ADGRA1: variants seen among roughly 807,000 people sequenced by gnomAD.
The protein encoded by ADGRA1 is adhesion G protein-coupled receptor A1, also known as G-protein coupled receptor 123.
ADGRA1 carries 12 observed loss-of-function variants against 21.3 expected under a neutral mutation model. The ratio of observed to expected loss-of-function variants is 0.56; its 90% CI spans 0.36 to 0.91. The LOEUF is 0.91. ADGRA1 is among the 40% of genes least tolerant of loss of function. ADGRA1 has a pLI of 0.01. For missense variants in ADGRA1, 790 were observed against 805.6 expected (o/e 0.98, Z 0.23); for synonymous variants, 385 against 368.8 (o/e 1.04, Z -0.50).
intron 2 of ADGRA1, among the ~76,000 whole-genome samples, chr10:133,093,728 T>C (rs1388429086): frequency 6.6e-6 from 1 of 152,190 alleles, no homozygotes; most frequent in Non-Finnish European, 1.5e-5. Flanking sequence ...CTGGCTGCAT[T>C]GCGAGCCGAG....
At position 133,106,251 on chromosome 10, in the gene ADGRA1, G is replaced by C. The variant is rs144398522; in HGVS notation, c.401+3409G>C. 2.2e-4 allele frequency among the ~76,000 whole-genome samples: 34 copies of C among 152,314 alleles called. No individual in the cohort carries two copies. In the East Asian group the frequency reaches 6.2e-3, roughly 28 times the overall value. On this transcript the variant is annotated intron_variant, in intron 5 of 6. Transcript: ENST00000392607. ...CTGGGGGGCGCCGGAGCCCCTGCTG[G>C]CTGGAGCTTCCCTGCTTCAGTCCCA...
At chr10:133,104,740 C>A (rs3117449) in intron 5 of ADGRA1, among the ~76,000 whole-genome samples, 2 of 152,164 alleles carry the variant, frequency 1.3e-5, no homozygotes, top group South Asian at 4.1e-4. Flanking sequence ...CCCCAGCCGC[C>A]CCCCCGGTGT....
chr10:133,120,368 G>A (rs1852231719), intron 5 of ADGRA1, among the ~76,000 whole-genome samples: 2 of 152,172 alleles, frequency 1.3e-5, no homozygotes, highest in South Asian at 4.1e-4. Context: ...TCATGCCACT[G>A]CACTCCAGCC....
intron 5 of ADGRA1, among the ~76,000 whole-genome samples, chr10:133,105,128 G>T (rs981075430): frequency 6.6e-6 from 1 of 152,220 alleles, no homozygotes; most frequent in African/African-American, 2.4e-5. Flanking sequence ...TAGTTCCTGA[G>T]TTCCAAGAAT....
intron 5 of ADGRA1, among the ~76,000 whole-genome samples, chr10:133,125,346 T>C (rs188615511): frequency 1.4e-3 from 219 of 152,374 alleles, no homozygotes; most frequent in Admixed American, 4.2e-3. Flanking sequence ...TGTTTTGCTC[T>C]TTGGAATTCT....
At chr10:133,115,119 C>CA (rs1852132552) in intron 5 of ADGRA1, among the ~76,000 whole-genome samples, 1 of 152,140 alleles carries the variant, frequency 6.6e-6, no homozygotes, top group Non-Finnish European at 1.5e-5. Context: ...CGGAAGGGCC[C>CA]AGTGGTCAGA....
rs891116939 is a variant in ADGRA1 at position 133,104,370 on chromosome 10, G to A, written c.401+1528G>A. ...ATGCGTTTCCTCATCTGTAATTGAT[G>A]GAAGAGCTGCCTGGTTTTGAAGACC... On this transcript the variant is annotated intron_variant, in intron 5 of 6. Transcript: ENST00000392607. Among the ~76,000 whole-genome samples, 6 of 152,182 alleles carry A rather than the reference G, an allele frequency of 3.9e-5. No individual in the cohort carries two copies. In the East Asian group the frequency reaches 1.2e-3, roughly 29 times the overall value.
intron 5 of ADGRA1, among the ~76,000 whole-genome samples, chr10:133,111,867 C>G (rs367643273): frequency 1.7e-3 from 241 of 138,772 alleles, no homozygotes; most frequent in African/African-American, 4.6e-3. Flanking sequence ...CCCTCCTAAT[C>G]CCTCCAGACC....
intron 5 of ADGRA1, among the ~76,000 whole-genome samples, chr10:133,124,894 G>T (rs931842138): frequency 6.6e-6 from 1 of 152,212 alleles, no homozygotes; most frequent in African/African-American, 2.4e-5. Context: ...GCCCAGCGGC[G>T]GCGGCGAGAA....
chr10:133,089,474 GA>G (rs1315790112), intron 2 of ADGRA1, among the ~76,000 whole-genome samples: 2 of 152,206 alleles, frequency 1.3e-5, no homozygotes, highest in African/African-American at 2.4e-5. Context: ...TCGGCTAGCC[GA>G]GCCCATCGTG....
chr10:133,108,187 G>T (rs1453789288), intron 5 of ADGRA1, among the ~76,000 whole-genome samples: 3 of 152,236 alleles, frequency 2.0e-5, no homozygotes, highest in East Asian at 3.8e-4. Context: ...CTGCCCTGCT[G>T]GTGTCTTCAG....
intron 2 of ADGRA1, among the ~76,000 whole-genome samples, chr10:133,090,263 G>A (rs1046620186): frequency 7.2e-5 from 11 of 152,182 alleles, no homozygotes; most frequent in African/African-American, 2.4e-4. Context: ...GAGCCTGTTC[G>A]TGCACTCTCC....
rs376560566 is a variant in ADGRA1, at chr10:133,116,878, C to T, written c.402-10355C>T. ...TCCAGGAACCCAAGCGAATGAGGAACGCCAGGATAGTGTCAGCACAGATGC... is the reference window on the plus strand; with the variant it reads ...TCCAGGAACCCAAGCGAATGAGGAATGCCAGGATAGTGTCAGCACAGATGC... On this transcript the variant is annotated intron_variant, in intron 5 of 6. Transcript: ENST00000392607. Among the ~76,000 whole-genome samples the T allele has an allele frequency of 1.2e-4, 18 of 152,282 alleles. No individual in the cohort carries two copies. In the East Asian group the frequency reaches 1.7e-3, roughly 15 times the overall value.
intron 2 of ADGRA1, among the ~76,000 whole-genome samples, chr10:133,094,370 A>G (rs1376887299): frequency 6.6e-6 from 1 of 152,242 alleles, no homozygotes; most frequent in African/African-American, 2.4e-5. Context: ...GCAGCGGGAC[A>G]GGACGCGGCT....
At chr10:133,101,006 C>T (rs529513254) in intron 4 of ADGRA1, among the ~76,000 whole-genome samples, 9 of 152,218 alleles carry the variant, frequency 5.9e-5, no homozygotes, top group Non-Finnish European at 8.8e-5. Flanking sequence ...GTCTGCTCCC[C>T]GTGCTCTGCG....
chr10:133,105,087 G>T (rs1008534576), intron 5 of ADGRA1, among the ~76,000 whole-genome samples: 1 of 152,156 alleles, frequency 6.6e-6, no homozygotes, highest in African/African-American at 2.4e-5. Context: ...AACTCTACAT[G>T]GCCCACACGT....
intron 5 of ADGRA1, among the ~76,000 whole-genome samples, chr10:133,115,951 C>A (rs1413070847): frequency 6.6e-6 from 1 of 152,160 alleles, no homozygotes; most frequent in Non-Finnish European, 1.5e-5. Context: ...AAGACCCTCT[C>A]CCTAACTTAT....
chr10:133,128,394 T>C lies in ADGRA1; in HGVS notation c.566T>C (p.Val189Ala), dbSNP rs748519754. 2 of 1,602,860 alleles carry C rather than the reference T, an allele frequency of 1.2e-6. No individual in the cohort carries two copies. Among genetic ancestry groups the C allele is most frequent in the Admixed American group, 3.4e-5 (2 of 58,524 alleles). ...FYGPAAIITLVTCVYFLGTYV... is the reference protein window; with the variant it reads ...FYGPAAIITLATCVYFLGTYV... ...GGCCCAGCCGCCATCATCACCCTGG[T>C]CACCTGTGTGTACTTCCTGGGCACC... The change falls in exon 7 of 7, where the codon GTC (valine) becomes GCC (alanine). Residue 189 changes from valine to alanine, a missense_variant. Val to Ala is a moderately conservative substitution (Grantham distance 64). Transcript: ENST00000392607.
Position 133,127,262 on chromosome 10 carries a change from T to G in ADGRA1, c.431T>G (p.Phe144Cys), listed in dbSNP as rs369339477. ...RFYLVSGGVPFIICGVTAATN... is the reference protein window; with the variant it reads ...RFYLVSGGVPCIICGVTAATN... ...TACCTCGTCAGCGGAGGGGTCCCCT[T>G]TATCATCTGTGGGGTCACGGCTGCC... Residue 144 changes from phenylalanine to cysteine, a missense_variant, in exon 6 of 7, where the codon TTT (phenylalanine) becomes TGT (cysteine). Around this residue, in one of 3 missense-constraint regions of ADGRA1, gnomAD observed 382 missense variants for 415.6 expected, o/e 0.92. Coordinates refer to ENST00000392607, the MANE Select transcript of ADGRA1 (RefSeq NM_001083909.3). 19 of 1,593,634 alleles carry G rather than the reference T, an allele frequency of 1.2e-5. No homozygotes were observed. The highest frequency in any genetic ancestry group is 1.5e-5 in the Non-Finnish European group (18 of 1,172,202).
Sources: gnomAD v4.1 joint callset for allele counts (sites outside exome capture counted in the v4.1 genomes callset) on GRCh38, gnomAD v4.1.1 for gene constraint, gnomAD v4.1.1 regional missense constraint, MANE v1.5 for transcripts, NCBI Gene and HGNC (gene_info 2026-07-23, HGNC 2026-07-21) for gene names.